The following TSGA10 variants were observed in gnomAD, a reference collection of about 807,000 sequenced individuals.
TSGA10 encodes testis-specific gene 10 protein.
Under a neutral mutation model 96.6 loss-of-function variants are expected in TSGA10, and 43 were observed. The ratio of observed to expected loss-of-function variants is 0.44; its 90% confidence interval spans 0.35 to 0.57. The LOEUF is 0.57. Among genes scored for constraint, TSGA10 ranks in the 20% least tolerant of loss-of-function variants. The pLI is 0.01. For missense variants in TSGA10, 703 were observed against 834.4 expected, an observed-to-expected ratio of 0.84 and a Z score of 1.94; for synonymous variants, 229 against 269.9, an observed-to-expected ratio of 0.85 and a Z score of 1.48.
At chr2:99,043,166 A>T (rs1015875059) in intron 16 of TSGA10, among the ~76,000 whole-genome samples, 1 of 116,672 alleles carries the variant, frequency 8.6e-6, no homozygotes, top group Admixed American at 8.6e-5. Flanking sequence ...TCAAATAAAG[A>T]TTATAAAAAA....
rs184263967 is a variant in TSGA10, at chr2:99,004,962, T to C, written c.2073-6741A>G. Among the ~76,000 whole-genome samples, 838 of 152,318 alleles carry C rather than the reference T, an allele frequency of 5.5e-3. 6 individuals are homozygous for C. The highest frequency in any genetic ancestry group is 9.8e-3 in the Non-Finnish European group (670 of 68,028). On this transcript the variant is annotated intron_variant, in intron 20 of 20. Transcript: ENST00000393483. ...ATCCACCATCATCAAGTGGGCTTCA[T>C]CCCTGGGATGCAAGGCTGGTTCAAC...
intron 10 of TSGA10, among the ~76,000 whole-genome samples, chr2:99,088,409 T>C (rs963788556): frequency 1.3e-5 from 2 of 152,212 alleles, no homozygotes; most frequent in Non-Finnish European, 2.9e-5. Context: ...AAAAAACACA[T>C]AGTACATATA....
At chr2:99,053,051 G>C (rs182442628) in intron 16 of TSGA10, among the ~76,000 whole-genome samples, 11 of 152,078 alleles carry the variant, frequency 7.2e-5, no homozygotes, top group Middle Eastern at 3.4e-3. Flanking sequence ...GACAGAAGCA[G>C]ACCCTGTCTC....
At chr2:99,049,254 C>G (rs2083134611) in intron 16 of TSGA10, among the ~76,000 whole-genome samples, 1 of 152,180 alleles carries the variant, frequency 6.6e-6, no homozygotes, top group Non-Finnish European at 1.5e-5. Flanking sequence ...GATTACAAAT[C>G]ATGCTACTAT....
At chr2:99,121,545 T>C (rs13004491) in intron 2 of TSGA10, among the ~76,000 whole-genome samples, 87,369 of 148,576 alleles carry the variant, frequency 0.59, 26,738 homozygotes, top group East Asian at 0.88. Context: ...ACAATCTCAG[T>C]TCACTGCAAC....
At chr2:99,048,538 C>T (rs2083038342) in intron 16 of TSGA10, among the ~76,000 whole-genome samples, 1 of 152,276 alleles carries the variant, frequency 6.6e-6, no homozygotes, top group East Asian at 1.9e-4. Flanking sequence ...ATGCAGAAAA[C>T]TGAAACTGGA....
rs2077594415 is a variant in TSGA10, at chr2:98,998,083, A to C, written c.*114T>G. ...GAGATTCAGAGACACAAAGTTAATA[A>C]ATACATTTAACATTGCCAAGCATTT... On this transcript the variant is annotated 3_prime_UTR_variant, in exon 21 of 21. Transcript: ENST00000393483. The C allele has an allele frequency of 2.2e-6, 2 of 912,608 alleles. No individual in the cohort carries two copies. Among genetic ancestry groups the C allele is most frequent in the Middle Eastern group, 2.6e-4 (1 of 3,914 alleles). The allele number at this position is 912,608 out of a possible 1,614,324, so 56.5% of individuals were successfully genotyped here.
At chr2:99,019,515 T>C (rs2079826458) in intron 18 of TSGA10, among the ~76,000 whole-genome samples, 1 of 152,190 alleles carries the variant, frequency 6.6e-6, no homozygotes, top group Non-Finnish European at 1.5e-5. Context: ...AAACTGGCCC[T>C]GGCTCTGAAG....
rs1241194693 is a variant in TSGA10 at position 99,071,718 on chromosome 2, T to C, written c.1095A>G (p.Lys365=). The change falls in exon 14 of 21, where the codon AAA becomes AAG. Residue 365 remains lysine, a synonymous_variant. Coordinates refer to ENST00000393483, the MANE Select transcript of TSGA10 (RefSeq NM_025244.4). ...DNLQEQFAKA[K]QENQALSKKL... Reference sequence around the variant, plus strand: ...GGAACAAGTGTACCTGGTTTTCTTGTTTAGCTTTAGCAAACTGTTCCTGGA... The same window carrying C: ...GGAACAAGTGTACCTGGTTTTCTTGCTTAGCTTTAGCAAACTGTTCCTGGA... 3 of 1,612,180 alleles carry C rather than the reference T, an allele frequency of 1.9e-6. No homozygotes were observed. Among genetic ancestry groups the C allele is most frequent in the Non-Finnish European group, 2.5e-6 (3 of 1,179,298 alleles).
intron 16 of TSGA10, among the ~76,000 whole-genome samples, chr2:99,039,868 T>C (rs936089261): frequency 5.3e-5 from 8 of 152,168 alleles, no homozygotes; most frequent in Admixed American, 5.2e-4. Flanking sequence ...GCAAAAATCC[T>C]CAATAAAATA....
intron 16 of TSGA10, among the ~76,000 whole-genome samples, chr2:99,038,321 T>C (rs935409001): frequency 1.3e-5 from 2 of 152,132 alleles, no homozygotes; most frequent in Admixed American, 1.3e-4. Context: ...TAACATTGAA[T>C]GTAAATGGTC....
In TSGA10 at chr2:99,154,731, CGG is replaced by C. The variant is rs905570855; in HGVS notation, c.-661_-660del. 46 of 250,872 alleles carry C rather than the reference CGG, an allele frequency of 1.8e-4. No individual in the cohort carries two copies. The highest frequency in any genetic ancestry group is 9.8e-4 in the African/African-American group (42 of 42,818). 15.5% of individuals were successfully genotyped at this position (250,872 alleles called of 1,614,324 possible). A position where few individuals can be genotyped will look rare whatever the true frequency, so the allele number is the denominator to read the frequency against. On this transcript the variant is annotated 5_prime_UTR_variant, in exon 1 of 21. It removes the in-frame stop codon of an upstream open reading frame in the 5' UTR. Transcript: ENST00000393483. Reference sequence around the variant, plus strand: ...TGGCCGTTATCTCTGTGCTGTCACGCGGGGAAGTCCCATCTGAACTGGGGCCT... The same window carrying C: ...TGGCCGTTATCTCTGTGCTGTCACGCGGAAGTCCCATCTGAACTGGGGCCT...
chr2:99,061,993 G>T (rs1316976537), intron 16 of TSGA10, among the ~76,000 whole-genome samples: 13 of 152,166 alleles, frequency 8.5e-5, no homozygotes, highest in Admixed American at 8.5e-4. Flanking sequence ...AGAAGCCCCA[G>T]AAGAAACCAA....
intron 20 of TSGA10, among the ~76,000 whole-genome samples, chr2:99,016,029 A>T (rs546216875): frequency 2.6e-5 from 4 of 152,334 alleles, no homozygotes; most frequent in South Asian, 2.1e-4. Context: ...AAATGGAAAC[A>T]CATCCCATGC....
At chr2:99,073,995 C>CTTTTTTTTTT (rs2086298056) in intron 12 of TSGA10, among the ~76,000 whole-genome samples, 4 of 36,134 alleles carry the variant, frequency 1.1e-4, no homozygotes, top group African/African-American at 4.5e-4. Context: ...GTTCCTGTTT[C>CTTTTTTTTTT]TTTTCTTTTT....
At chr2:99,144,605 T>G (rs944856743) in intron 1 of TSGA10, among the ~76,000 whole-genome samples, 2 of 123,390 alleles carry the variant, frequency 1.6e-5, no homozygotes, top group African/African-American at 3.0e-5. Context: ...GCCGAGATCG[T>G]GCCATCGCCC....
intron 4 of TSGA10, among the ~76,000 whole-genome samples, chr2:99,113,672 G>C (rs888477050): frequency 1.3e-5 from 2 of 150,808 alleles, no homozygotes; most frequent in Non-Finnish European, 3.0e-5. Flanking sequence ...CAGCCTCCCG[G>C]GTAGCTGGGA....
At chr2:99,001,756 GCTAA>G (rs1312815049) in intron 20 of TSGA10, among the ~76,000 whole-genome samples, 3 of 152,128 alleles carry the variant, frequency 2.0e-5, no homozygotes, top group African/African-American at 7.2e-5. Flanking sequence ...TAGACGAATG[GCTAA>G]CTAGAATAAA....
chr2:99,079,634 C>G (rs2087183471), intron 11 of TSGA10, among the ~76,000 whole-genome samples: 1 of 152,142 alleles, frequency 6.6e-6, no homozygotes, highest in African/African-American at 2.4e-5. Flanking sequence ...ATTAGATTTA[C>G]CTACAGAAAC....
Sources: gnomAD v4.1 joint callset for allele counts (sites outside exome capture counted in the v4.1 genomes callset) on GRCh38, gnomAD v4.1.1 for gene constraint, MANE v1.5 for transcripts, NCBI Gene and HGNC (gene_info 2026-07-23, HGNC 2026-07-21) for gene names.